The following DNAJC12 variants were observed in gnomAD, a reference collection of about 807,000 sequenced individuals.
DNAJC12 encodes the protein DnaJ heat shock protein family (Hsp40) member C12.
DNAJC12 carries 25 observed loss-of-function variants against 28.5 expected under a neutral mutation model. The observed-to-expected ratio is 0.88, with a 90% CI of 0.64 to 1.22. The LOEUF (loss-of-function observed/expected upper bound fraction) is 1.22, where lower values mean the gene tolerates loss of function less well. Among genes scored for constraint, DNAJC12 ranks in the 50% most tolerant of loss-of-function variants. The probability of loss-of-function intolerance (pLI) is 0.00; values close to 1 mark genes in which losing one functional copy is unlikely to be tolerated. For synonymous variants in DNAJC12, 77 were observed against 80.6 expected, an observed-to-expected ratio of 0.95 and a Z score of 0.24; for missense variants, 222 against 231.7, an observed-to-expected ratio of 0.96 and a Z score of 0.27.
Position 67,805,775 on chromosome 10 carries a change from C to A in DNAJC12, c.310G>T (p.Val104Phe). 1 of 1,587,854 alleles carries A rather than the reference C, an allele frequency of 6.3e-7. No individual in the cohort carries two copies. The highest frequency in any genetic ancestry group is 8.5e-7 in the Non-Finnish European group (1 of 1,172,538). The stretch of plus-strand genomic sequence containing the variant: ...ATCAGGTCTTTTTTACCTCTGACAA[C>A]CCAGTGCATTGACTAAATTAATGTA... Reference protein sequence around the residue: ...NDSVKTSMHWVVRGKKDLMLE... With the variant: ...NDSVKTSMHWFVRGKKDLMLE... Residue 104 changes from valine to phenylalanine, a missense_variant, in exon 4 of 5, where the codon GTT becomes TTT. Transcript: ENST00000225171.
At chr10:67,814,942 G>A (rs2131800052) in intron 2 of DNAJC12, among the ~76,000 whole-genome samples, 1 of 152,276 alleles carries the variant, frequency 6.6e-6, no homozygotes, top group East Asian at 1.9e-4. Context: ...AAGTAGTTTG[G>A]CTGTTCTTCA....
At chr10:67,823,205 T>C (rs574806802) in intron 2 of DNAJC12, 109 bp downstream of exon 2, 3 of 861,702 alleles carry the variant, frequency 3.5e-6, no homozygotes, top group East Asian at 5.0e-5. Context: ...AAGAATACGG[T>C]TGAGCATAAT....
chr10:67,819,279 A>G (rs922730946), intron 2 of DNAJC12, among the ~76,000 whole-genome samples: 18 of 149,976 alleles, frequency 1.2e-4, no homozygotes, highest in Admixed American at 4.6e-4. Context: ...CTTGCAGTGA[A>G]CCAAGAGATA....
intron 1 of DNAJC12, chr10:67,833,839 T>C: frequency 4.0e-6 from 2 of 494,998 alleles, no homozygotes; most frequent in Non-Finnish European, 8.3e-6. Flanking sequence ...TTGCAAGCCA[T>C]GGAGCACATG....
chr10:67,808,304 T>C (rs1841823741), intron 3 of DNAJC12, among the ~76,000 whole-genome samples: 1 of 152,142 alleles, frequency 6.6e-6, no homozygotes, highest in Non-Finnish European at 1.5e-5. Flanking sequence ...AAAATCTATA[T>C]ATGCATGGAA....
intron 4 of DNAJC12, among the ~76,000 whole-genome samples, chr10:67,801,836 CTTTTT>C (rs577511924): frequency 1.6e-3 from 41 of 26,106 alleles, no homozygotes; most frequent in African/African-American, 5.3e-3. Context: ...CCACTTCATT[CTTTTT>C]TTTTTTTTTT....
intron 4 of DNAJC12, among the ~76,000 whole-genome samples, chr10:67,799,222 T>G (rs920323895): frequency 1.3e-5 from 2 of 152,186 alleles, no homozygotes; most frequent in Non-Finnish European, 2.9e-5. Context: ...TATTTTAATA[T>G]AGTATATAAA....
Position 67,811,530 on chromosome 10 carries a change from C to T in DNAJC12, c.291G>A (p.Val97=). ...FQQWEALNDS[V]KTSMHWVVRG... ...CACCCAGCGAGAAACCCACCGTCTT[C>T]ACTGAGTCATTCAAAGCTTCCCACT... Residue 97 remains valine (V), a synonymous_variant, in exon 3 of 5, where the codon GTG becomes GTA. Coordinates refer to ENST00000225171, the MANE Select transcript of DNAJC12 (RefSeq NM_021800.3). 6.2e-7 allele frequency: 1 copy of T among 1,614,226 alleles called. No individual in the cohort carries two copies. The highest frequency in any genetic ancestry group is 8.5e-7 in the Non-Finnish European group (1 of 1,180,036).
intron 2 of DNAJC12, among the ~76,000 whole-genome samples, chr10:67,821,699 C>T (rs2131806799): frequency 6.6e-6 from 1 of 152,182 alleles, no homozygotes; most frequent in South Asian, 2.1e-4. Context: ...AAAGAAAAAT[C>T]TGCAATGAGA....
chr10:67,825,045 G>A (rs778868645), intron 1 of DNAJC12, among the ~76,000 whole-genome samples: 1 of 152,032 alleles, frequency 6.6e-6, no homozygotes, highest in Non-Finnish European at 1.5e-5. Context: ...AGACGGCTTG[G>A]TTTGAAATCC....
intron 4 of DNAJC12, among the ~76,000 whole-genome samples, chr10:67,801,617 C>T (rs1841745035): frequency 6.6e-6 from 1 of 151,604 alleles, no homozygotes; most frequent in South Asian, 2.1e-4. Flanking sequence ...TGGTGAAACC[C>T]CATCTCTACT....
At chr10:67,821,963 G>A (rs1841985666) in intron 2 of DNAJC12, among the ~76,000 whole-genome samples, 1 of 152,152 alleles carries the variant, frequency 6.6e-6, no homozygotes, top group Non-Finnish European at 1.5e-5. Flanking sequence ...TTTCAGAGGA[G>A]GTGATAGGAA....
At position 67,823,184 on chromosome 10, in the gene DNAJC12, T is replaced by C. The variant is rs995735222; in HGVS notation, c.157+130A>G. ...AGCCCTCTCCCTTTCTATCATCCAA[T>C]AGTGCAAAGAAAGAATACGGTTGAG... On this transcript the variant is annotated intron_variant, in intron 2 of 4. Transcript: ENST00000225171. 4 of 706,852 alleles carry C rather than the reference T, an allele frequency of 5.7e-6. No individual in the cohort carries two copies. The Admixed American group carries it at 8.1e-5, about 14-fold the overall frequency. The allele number at this position is 706,852 out of a possible 1,614,324, so 43.8% of individuals were successfully genotyped here.
At chr10:67,806,779 C>G (rs1323611153) in intron 3 of DNAJC12, among the ~76,000 whole-genome samples, 2 of 148,236 alleles carry the variant, frequency 1.3e-5, no homozygotes, top group African/African-American at 5.0e-5. Context: ...GAGCCGAGAT[C>G]GCACCATTGC....
At chr10:67,821,804 A>T (rs1047854024) in intron 2 of DNAJC12, among the ~76,000 whole-genome samples, 1 of 152,204 alleles carries the variant, frequency 6.6e-6, no homozygotes. Flanking sequence ...GACACAGTAG[A>T]GAGAGATGAG....
chr10:67,836,860 A>T (rs1171119556), intron 1 of DNAJC12, among the ~76,000 whole-genome samples: 2 of 151,738 alleles, frequency 1.3e-5, no homozygotes, highest in East Asian at 3.8e-4. Context: ...ATTTTGCTTT[A>T]CAATGTTAAT....
chr10:67,798,761 T>TTTC (rs1841706334), intron 4 of DNAJC12, among the ~76,000 whole-genome samples: 1 of 150,550 alleles, frequency 6.6e-6, no homozygotes, highest in Non-Finnish European at 1.5e-5. Flanking sequence ...GATTTTCCTT[T>TTTC]TTTTTTTTTT....
chr10:67,801,836 CTTTTTTTTTTTTTTTTTTTTTTT>C (rs577511924), intron 4 of DNAJC12, among the ~76,000 whole-genome samples: 4 of 26,120 alleles, frequency 1.5e-4, no homozygotes, highest in East Asian at 1.6e-3. Context: ...CCACTTCATT[CTTTTTTTTTTTTTTTTTTTTTTT>C]TTTTTTTTTT....
intron 4 of DNAJC12, among the ~76,000 whole-genome samples, chr10:67,800,051 C>T (rs1425718579): frequency 2.0e-5 from 3 of 151,204 alleles, no homozygotes; most frequent in Admixed American, 6.6e-5. Flanking sequence ...GGCAACATGG[C>T]GAAACCCCAT....
Sources: gnomAD v4.1 joint callset for allele counts (sites outside exome capture counted in the v4.1 genomes callset) on GRCh38, gnomAD v4.1.1 for gene constraint, MANE v1.5 for transcripts, NCBI Gene and HGNC (gene_info 2026-07-23, HGNC 2026-07-21) for gene names.